Variants in TXNDC16 observed in about 807,000 individuals in gnomAD.
TXNDC16 encodes thioredoxin domain containing 16.
TXNDC16 carries 74 observed loss-of-function variants against 85.6 expected under a neutral mutation model. The observed-to-expected ratio is 0.86, with a 90% confidence interval of 0.72 to 1.05. The LOEUF is 1.05. Among genes scored for constraint, TXNDC16 ranks in the 50% least tolerant of loss-of-function variants. TXNDC16 has a pLI of 0.00. For missense variants in TXNDC16, 959 were observed against 947.0 expected, an observed-to-expected ratio of 1.01 and a Z score of -0.17; for synonymous variants, 335 against 326.5, an observed-to-expected ratio of 1.03 and a Z score of -0.28.
intron 4 of TXNDC16, among the ~76,000 whole-genome samples, chr14:52,540,460 A>G (rs992149080): frequency 1.3e-5 from 2 of 152,034 alleles, no homozygotes; most frequent in African/African-American, 4.8e-5. Context: ...CCCCATCTCT[A>G]CTAAAACTAC....
At chr14:52,452,076 C>T (rs899474236) in intron 18 of TXNDC16, among the ~76,000 whole-genome samples, 11 of 152,144 alleles carry the variant, frequency 7.2e-5, no homozygotes, top group Middle Eastern at 3.4e-3. Context: ...GAAAGTAATC[C>T]TATTTACAAT....
At chr14:52,504,509 C>A (rs1197744687) in intron 9 of TXNDC16, among the ~76,000 whole-genome samples, 1 of 152,108 alleles carries the variant, frequency 6.6e-6, no homozygotes, top group African/African-American at 2.4e-5. Flanking sequence ...ACTTTACAGA[C>A]AAGCAAATGC....
intron 13 of TXNDC16, 89 bp downstream of exon 13, chr14:52,482,733 T>G: frequency 8.1e-7 from 1 of 1,241,558 alleles, no homozygotes; most frequent in Non-Finnish European, 1.1e-6. Flanking sequence ...AATTTCATTT[T>G]ACAACATGCA....
At chr14:52,483,791 T>C (rs2036203140) in intron 12 of TXNDC16, among the ~76,000 whole-genome samples, 1 of 152,198 alleles carries the variant, frequency 6.6e-6, no homozygotes, top group Non-Finnish European at 1.5e-5. Context: ...CCATGTACCT[T>C]CAAAAATACA....
intron 12 of TXNDC16, among the ~76,000 whole-genome samples, chr14:52,484,714 T>C (rs950226378): frequency 3.3e-5 from 5 of 152,032 alleles, no homozygotes; most frequent in African/African-American, 1.2e-4. Context: ...ACCCCGTCTC[T>C]ACTAAAAATA....
chr14:52,518,544 C>T (rs903751678), intron 7 of TXNDC16, among the ~76,000 whole-genome samples: 3 of 152,172 alleles, frequency 2.0e-5, no homozygotes, highest in Admixed American at 6.6e-5. Context: ...TTCCCAAACA[C>T]TGCTAAAATT....
intron 14 of TXNDC16, among the ~76,000 whole-genome samples, chr14:52,476,091 G>C (rs768407168): frequency 6.6e-6 from 1 of 152,146 alleles, no homozygotes; most frequent in Non-Finnish European, 1.5e-5. Context: ...AATCACTACA[G>C]CTCGGCTCTC....
intron 18 of TXNDC16, 44 bp downstream of exon 18, chr14:52,455,280 T>C (rs748300610): frequency 2.4e-5 from 38 of 1,608,062 alleles, no homozygotes; most frequent in Non-Finnish European, 3.2e-5. Context: ...TTGACTGATC[T>C]AGATTTTATT....
chr14:52,493,216 T>TACAC (rs35747449), intron 9 of TXNDC16, among the ~76,000 whole-genome samples: 12 of 115,994 alleles, frequency 1.0e-4, no homozygotes, highest in South Asian at 5.1e-4. Context: ...TATATATATA[T>TACAC]ACACACACAC....
chr14:52,457,042 T>C, intron 17 of TXNDC16, 48 bp downstream of exon 17: 1 of 1,263,432 alleles, frequency 7.9e-7, no homozygotes, highest in Non-Finnish European at 1.1e-6. Context: ...GATAACATTA[T>C]TTTGCATAAT....
At chr14:52,527,491 T>C (rs1441082170) in intron 6 of TXNDC16, among the ~76,000 whole-genome samples, 4 of 152,162 alleles carry the variant, frequency 2.6e-5, no homozygotes, top group Non-Finnish European at 5.9e-5. Flanking sequence ...TATTTAGTGA[T>C]AGGGGCCTTC....
intron 16 of TXNDC16, among the ~76,000 whole-genome samples, chr14:52,458,185 G>C (rs980916869): frequency 2.0e-5 from 3 of 152,180 alleles, no homozygotes; most frequent in Non-Finnish European, 4.4e-5. Flanking sequence ...CTAAGATTGA[G>C]CAATACTGTC....
At chr14:52,538,614 T>C (rs2037757254) in intron 4 of TXNDC16, among the ~76,000 whole-genome samples, 1 of 152,114 alleles carries the variant, frequency 6.6e-6, no homozygotes, top group Non-Finnish European at 1.5e-5. Flanking sequence ...TGAGCATGTA[T>C]ATGCAGATTG....
intron 6 of TXNDC16, among the ~76,000 whole-genome samples, chr14:52,529,651 T>TTATATATAATACCTATTATATATAA (rs2037436215): frequency 9.9e-6 from 1 of 100,866 alleles, no homozygotes; most frequent in Non-Finnish European, 1.8e-5. Flanking sequence ...ATTATATATA[T>TTATATATAATACCTATTATATATAA]TATATATAAT....
intron 16 of TXNDC16, among the ~76,000 whole-genome samples, chr14:52,463,300 G>A (rs938964803): frequency 3.7e-4 from 57 of 152,062 alleles, no homozygotes; most frequent in Non-Finnish European, 7.3e-5. Context: ...CAGTGGCTGC[G>A]AGAGAGCAAT....
chr14:52,544,533 A>G (rs1197980566), intron 1 of TXNDC16, among the ~76,000 whole-genome samples, 162 bp from the exon 2 acceptor site: 1 of 152,134 alleles, frequency 6.6e-6, no homozygotes, highest in African/African-American at 2.4e-5. Flanking sequence ...AAAAACAGCA[A>G]TAGATTATTT....
rs544216076 is a variant in TXNDC16 at position 52,507,863 on chromosome 14, T to C, written c.756+3377A>G. Among the ~76,000 whole-genome samples, 5 of 152,360 alleles carry C rather than the reference T, an allele frequency of 3.3e-5. No homozygotes were observed. In the South Asian group the frequency reaches 1.0e-3, roughly 32 times the overall value. ...GTGCTGGAAAAACTGGCTAGCCATA[T>C]GTAGAAAGCTGAAACTGGATCCCTT... is the stretch of plus-strand genomic sequence containing the variant. On this transcript the variant is annotated intron_variant, in intron 9 of 20. Coordinates refer to ENST00000281741, the MANE Select transcript of TXNDC16 (RefSeq NM_020784.3).
chr14:52,483,533 T>C (rs991074911), intron 12 of TXNDC16, among the ~76,000 whole-genome samples: 18 of 151,760 alleles, frequency 1.2e-4, no homozygotes, highest in African/African-American at 3.9e-4. Context: ...CATAAAAGAG[T>C]TGAGCACATA....
At chr14:52,547,576 C>T (rs994452185) in intron 1 of TXNDC16, among the ~76,000 whole-genome samples, 5 of 152,150 alleles carry the variant, frequency 3.3e-5, no homozygotes, top group African/African-American at 1.2e-4. Flanking sequence ...AGAACTAGAG[C>T]CCTAGCAACA....
Sources: allele counts gnomAD v4.1 joint callset (sites outside exome capture counted in the v4.1 genomes callset), GRCh38; gene constraint gnomAD v4.1.1; transcripts MANE v1.5; gene names NCBI Gene and HGNC (gene_info 2026-07-23, HGNC 2026-07-21).